The following CDH1 variants were observed in gnomAD, a reference collection of about 807,000 sequenced individuals.
CDH1 encodes cadherin-1.
A neutral mutation model predicts 84.5 loss-of-function variants in CDH1; 35 were observed. The ratio of observed to expected loss-of-function variants is 0.41; its 90% CI spans 0.32 to 0.55. The LOEUF is 0.55. Among genes scored for constraint, CDH1 ranks in the 20% least tolerant of loss-of-function variants. The pLI, the probability that CDH1 is intolerant of heterozygous loss-of-function variation, is 0.19. For missense variants in CDH1, 994 were observed against 1,126.6 expected (o/e 0.88, Z 1.68); for synonymous variants, 417 against 439.0 (o/e 0.95, Z 0.63).
rs895464122 is a variant in CDH1, at chr16:68,793,617, C to T, written c.164-8053C>T. On this transcript the variant is annotated intron_variant, in intron 2 of 15. Transcript: ENST00000261769. ...TTATAGGAAAGGGATGCTGGCCAGG[C>T]GCAGTGGCTCATACCTGTAATCCCA... 9.4e-4 allele frequency among the ~76,000 whole-genome samples: 143 copies of T among 152,282 alleles called. 1 individual carries two copies. The highest frequency in any genetic ancestry group is 3.2e-3 in the African/African-American group (135 of 41,564).
At chr16:68,761,634 A>C (rs1287276169) in intron 2 of CDH1, among the ~76,000 whole-genome samples, 1 of 152,202 alleles carries the variant, frequency 6.6e-6, no homozygotes, top group Admixed American at 6.5e-5. Flanking sequence ...AGGAAAGATG[A>C]ATCGGAATGG....
Position 68,756,368 on chromosome 16 carries a change from A to G in CDH1, c.163+17957A>G, listed in dbSNP as rs1286952849. On this transcript the variant is annotated intron_variant, in intron 2 of 15. Transcript: ENST00000261769. Reference sequence around the variant, plus strand: ...AGGCAAACACCTGGGCACTTACTTTATGAACAGGTGGGGTGGGGCCCTGAG... The same window carrying G: ...AGGCAAACACCTGGGCACTTACTTTGTGAACAGGTGGGGTGGGGCCCTGAG... 2.6e-5 allele frequency among the ~76,000 whole-genome samples: 4 copies of G among 152,054 alleles called. No homozygotes were observed. In the East Asian group the frequency reaches 5.8e-4, roughly 22 times the overall value.
intron 3 of CDH1, among the ~76,000 whole-genome samples, chr16:68,804,330 G>A (rs1029408518): frequency 6.6e-6 from 1 of 151,802 alleles, no homozygotes; most frequent in Middle Eastern, 3.2e-3. Flanking sequence ...AGCCAGGATG[G>A]TCTCGATCTC....
chr16:68,825,296 A>C (rs916612125), intron 13 of CDH1, among the ~76,000 whole-genome samples: 11 of 152,304 alleles, frequency 7.2e-5, no homozygotes, highest in Non-Finnish European at 1.6e-4. Context: ...TCCAACAGGC[A>C]GATGGGTATT....
chr16:68,824,827 G>A (rs1215465444), intron 13 of CDH1, among the ~76,000 whole-genome samples: 8 of 152,088 alleles, frequency 5.3e-5, no homozygotes, highest in Admixed American at 2.6e-4. Flanking sequence ...ATAAATTAGC[G>A]ATGAAAACAG....
intron 2 of CDH1, among the ~76,000 whole-genome samples, chr16:68,756,412 C>T (rs943604203): frequency 5.3e-5 from 8 of 152,078 alleles, no homozygotes; most frequent in African/African-American, 1.9e-4. Context: ...ATTGAGAGGC[C>T]TCTCCTGGTA....
intron 2 of CDH1, among the ~76,000 whole-genome samples, chr16:68,764,851 ACCT>A (rs1369884399): frequency 6.6e-6 from 1 of 152,182 alleles, no homozygotes; most frequent in Admixed American, 6.5e-5. Flanking sequence ...GTCCTTGGCC[ACCT>A]GCTGTATCCA....
intron 2 of CDH1, among the ~76,000 whole-genome samples, chr16:68,786,539 T>TTTTTTTTTC (rs1960055298): frequency 7.4e-6 from 1 of 134,584 alleles, no homozygotes; most frequent in East Asian, 2.0e-4. Flanking sequence ...TTTTTCTTTT[T>TTTTTTTTTC]TTTTTTTTTT....
intron 2 of CDH1, among the ~76,000 whole-genome samples, chr16:68,743,163 C>T (rs1225672030): frequency 1.3e-5 from 2 of 152,166 alleles, no homozygotes; most frequent in Non-Finnish European, 2.9e-5. Flanking sequence ...GTCTGTTACA[C>T]ATTCCCTTCC....
chr16:68,753,343 C>CT (rs544037956), intron 2 of CDH1, among the ~76,000 whole-genome samples: 4,337 of 146,976 alleles, frequency 0.03, 74 homozygotes, highest in Non-Finnish European at 0.046. Flanking sequence ...TCTTGTAAAT[C>CT]TTTTTTTTTT....
chr16:68,757,214 G>A (rs1010233592), intron 2 of CDH1, among the ~76,000 whole-genome samples: 4 of 151,880 alleles, frequency 2.6e-5, no homozygotes, highest in South Asian at 2.1e-4. Context: ...TCAGCCTCCC[G>A]AGTAGCTGGG....
intron 3 of CDH1, among the ~76,000 whole-genome samples, chr16:68,805,838 C>T (rs747601854): frequency 5.3e-5 from 8 of 152,186 alleles, no homozygotes; most frequent in South Asian, 2.1e-4. Context: ...GTGATCCACC[C>T]GCCTCAGCCT....
In CDH1 at chr16:68,829,687, G is replaced by A. The variant is rs372989292; in HGVS notation, c.2329G>A (p.Asp777Asn). ...CTTGAGCCAGCTGCACAGGGGCCTG[G>A]ACGCTCGGCCTGAAGTGACTCGTAA... is the stretch of plus-strand genomic sequence containing the variant. Reference protein sequence around the residue: ...FDLSQLHRGLDARPEVTRNDV... With the variant: ...FDLSQLHRGLNARPEVTRNDV... The change falls in exon 15 of 16, where the codon GAC becomes AAC. Residue 777 changes from aspartate (D) to asparagine (N), a missense_variant. Transcript: ENST00000261769. 356 of 1,614,006 alleles carry A rather than the reference G, an allele frequency of 2.2e-4. No homozygotes were observed. Among genetic ancestry groups the A allele is most frequent in the Non-Finnish European group, 2.9e-4 (342 of 1,180,030 alleles).
intron 2 of CDH1, among the ~76,000 whole-genome samples, chr16:68,778,754 C>G (rs1386594923): frequency 2.0e-5 from 3 of 152,144 alleles, no homozygotes. Flanking sequence ...GAACTCCTGC[C>G]CTGTCAGCAG....
chr16:68,748,262 T>A (rs548924112), intron 2 of CDH1, among the ~76,000 whole-genome samples: 1 of 151,924 alleles, frequency 6.6e-6, no homozygotes, highest in African/African-American at 2.4e-5. Flanking sequence ...ACAGGCATGC[T>A]ACACCACACC....
At chr16:68,766,662 G>A (rs1959397974) in intron 2 of CDH1, among the ~76,000 whole-genome samples, 3 of 152,110 alleles carry the variant, frequency 2.0e-5, no homozygotes, top group Admixed American at 2.0e-4. Context: ...TATATGTGGG[G>A]CATTGCCCTG....
At chr16:68,757,975 T>G (rs1247787273) in intron 2 of CDH1, among the ~76,000 whole-genome samples, 1 of 148,148 alleles carries the variant, frequency 6.8e-6, no homozygotes, top group Non-Finnish European at 1.5e-5. Flanking sequence ...ATCTTTTTTT[T>G]TTTTTTTTTT....
intron 15 of CDH1, 106 bp from the exon 16 acceptor site, chr16:68,833,184 A>T (rs1199726878): frequency 6.5e-6 from 6 of 922,732 alleles, no homozygotes; most frequent in Non-Finnish European, 1.1e-5. Flanking sequence ...GGTGTGCCAC[A>T]AGTCTGGGTG....
At chr16:68,777,699 C>T (rs1230221213) in intron 2 of CDH1, among the ~76,000 whole-genome samples, 2 of 151,886 alleles carry the variant, frequency 1.3e-5, no homozygotes, top group South Asian at 2.1e-4. Flanking sequence ...TGCACCACCA[C>T]ACCTGGCTAA....
Sources: gnomAD v4.1 joint callset for allele counts (sites outside exome capture counted in the v4.1 genomes callset) on GRCh38, gnomAD v4.1.1 for gene constraint, MANE v1.5 for transcripts, NCBI Gene and HGNC (gene_info 2026-07-23, HGNC 2026-07-21) for gene names.